The following ADK variants were observed in gnomAD, a reference collection of about 807,000 sequenced individuals.
The protein encoded by ADK is adenosine kinase, also known as N6,N6-dimethyladenosine kinase.
In ADK, 24 loss-of-function variants were observed where a neutral mutation model predicts 44.7. That is an observed-to-expected ratio of 0.54 (90% CI 0.39 to 0.76). The LOEUF (loss-of-function observed/expected upper bound fraction) is 0.76, where lower values mean the gene tolerates loss of function less well. Among genes scored for constraint, ADK ranks in the 30% least tolerant of loss-of-function variants. The pLI is 0.00. For synonymous variants in ADK, 128 were observed against 142.6 expected (o/e 0.90, Z 0.73); for missense variants, 321 against 425.1 (o/e 0.76, Z 2.15).
chr10:74,451,356 G>A (rs1203004599), intron 6 of ADK, among the ~76,000 whole-genome samples: 4 of 152,060 alleles, frequency 2.6e-5, no homozygotes, highest in African/African-American at 4.8e-5. Flanking sequence ...ATGCAAAGCA[G>A]TGTATTTACT....
intron 3 of ADK, among the ~76,000 whole-genome samples, chr10:74,288,806 A>G (rs771957344): frequency 6.6e-6 from 1 of 152,366 alleles, no homozygotes; most frequent in Non-Finnish European, 1.5e-5. Flanking sequence ...TGGAACTTTG[A>G]TAACTGTTTA....
At chr10:74,328,453 C>G (rs1175436680) in intron 4 of ADK, among the ~76,000 whole-genome samples, 1 of 152,052 alleles carries the variant, frequency 6.6e-6, no homozygotes, top group Non-Finnish European at 1.5e-5. Context: ...GTGTTGCAGT[C>G]AAAGCACCAT....
chr10:74,242,736 A>G (rs944807241), intron 3 of ADK, among the ~76,000 whole-genome samples: 3 of 152,160 alleles, frequency 2.0e-5, no homozygotes, highest in Non-Finnish European at 4.4e-5. Context: ...CCTTTTCCAA[A>G]GCTACCTATG....
intron 3 of ADK, among the ~76,000 whole-genome samples, chr10:74,227,527 T>C (rs1021207924): frequency 6.6e-6 from 1 of 151,888 alleles, no homozygotes; most frequent in Non-Finnish European, 1.5e-5. Context: ...CTGGGAAACA[T>C]AGTGAGACCC....
intron 4 of ADK, among the ~76,000 whole-genome samples, chr10:74,353,068 G>A (rs959465505): frequency 2.6e-5 from 4 of 152,144 alleles, no homozygotes; most frequent in East Asian, 3.9e-4. Context: ...TACTGGGTAT[G>A]TACCCAAGGG....
intron 6 of ADK, among the ~76,000 whole-genome samples, chr10:74,521,844 A>T (rs998328677): frequency 2.0e-5 from 3 of 152,236 alleles, no homozygotes; most frequent in African/African-American, 7.2e-5. Context: ...AAAAATAATA[A>T]CTAAGACTAA....
intron 4 of ADK, among the ~76,000 whole-genome samples, chr10:74,340,859 A>G (rs1841559880): frequency 6.6e-6 from 1 of 152,200 alleles, no homozygotes; most frequent in Non-Finnish European, 1.5e-5. Flanking sequence ...CCCATTTGCA[A>G]AGTACATTTA....
At chr10:74,427,049 C>T (rs553310178) in intron 6 of ADK, among the ~76,000 whole-genome samples, 150 of 151,802 alleles carry the variant, frequency 9.9e-4, no homozygotes, top group Middle Eastern at 3.4e-3. Flanking sequence ...ATATCCATAC[C>T]GAAAGGGGAT....
chr10:74,257,036 T>C (rs1591942334), intron 3 of ADK, among the ~76,000 whole-genome samples: 1 of 152,216 alleles, frequency 6.6e-6, no homozygotes, highest in Admixed American at 6.5e-5. Flanking sequence ...AATTGACTTA[T>C]CTTTAATTTG....
Position 74,394,287 on chromosome 10 carries a change from T to C in ADK, c.420T>C (p.Cys140=), listed in dbSNP as rs1843436216. The change falls in exon 5 of 11, where the codon TGT becomes TGC. Residue 140 remains cysteine, a synonymous_variant. Transcript: ENST00000539909. ...YEQNEQPTGT[C]AACITGDNRS... is the part of the protein sequence containing the mutation. ...AGAATGAGCAGCCAACAGGAACTTG[T>C]GCTGCATGCATCACTGGTGACAACA... The C allele has an allele frequency of 1.2e-6, 2 of 1,613,916 alleles. No homozygotes were observed. Among genetic ancestry groups the C allele is most frequent in the South Asian group, 2.2e-5 (2 of 91,088 alleles).
At chr10:74,587,862 A>G (rs1205499985) in intron 7 of ADK, among the ~76,000 whole-genome samples, 1 of 152,084 alleles carries the variant, frequency 6.6e-6, no homozygotes, top group African/African-American at 2.4e-5. Context: ...ATTTGATTAC[A>G]CATATGTATT....
At chr10:74,552,754 TAA>T (rs1850079616) in intron 7 of ADK, among the ~76,000 whole-genome samples, 1 of 152,108 alleles carries the variant, frequency 6.6e-6, no homozygotes, top group Non-Finnish European at 1.5e-5. Context: ...GCATAATTTT[TAA>T]AAATTGGGCA....
At chr10:74,573,420 G>T (rs1224903162) in intron 7 of ADK, among the ~76,000 whole-genome samples, 7 of 152,200 alleles carry the variant, frequency 4.6e-5, no homozygotes, top group Non-Finnish European at 1.0e-4. Flanking sequence ...CCTACTGGGG[G>T]ATGCCTCCCA....
chr10:74,344,589 C>T (rs1841698476), intron 4 of ADK: 2 of 254,490 alleles, frequency 7.9e-6, no homozygotes, highest in South Asian at 6.4e-5. Context: ...GAGCTTCATT[C>T]TGCTGAATAT....
At chr10:74,317,136 A>G (rs1440867637) in intron 4 of ADK, among the ~76,000 whole-genome samples, 1 of 152,172 alleles carries the variant, frequency 6.6e-6, no homozygotes, top group Non-Finnish European at 1.5e-5. Flanking sequence ...TTTTAATGAA[A>G]CCATAGGCAA....
chr10:74,402,615 C>T (rs1843758218), intron 6 of ADK, among the ~76,000 whole-genome samples: 1 of 152,084 alleles, frequency 6.6e-6, no homozygotes, highest in Non-Finnish European at 1.5e-5. Context: ...AGGTCTTATC[C>T]ATGCTGTTTA....
At chr10:74,232,969 C>T (rs1331262580) in intron 3 of ADK, among the ~76,000 whole-genome samples, 3 of 152,082 alleles carry the variant, frequency 2.0e-5, no homozygotes, top group South Asian at 4.1e-4. Flanking sequence ...TATTCATGAA[C>T]GATAGGTGAA....
At chr10:74,284,702 C>T (rs1847092551) in intron 3 of ADK, among the ~76,000 whole-genome samples, 1 of 152,194 alleles carries the variant, frequency 6.6e-6, no homozygotes, top group Admixed American at 6.5e-5. Context: ...ACAGAAACTC[C>T]CTTTAGTAGT....
Position 74,445,583 on chromosome 10 carries a change from A to G in ADK, c.555+47004A>G, listed in dbSNP as rs143548871. ...AAAGAAGCTACTTGGAATGTCTGTA[A>G]TAACAAATGTGTTAGTATATTTACA... On this transcript the variant is annotated intron_variant, in intron 6 of 10. Coordinates refer to ENST00000539909, the MANE Select transcript of ADK (RefSeq NM_006721.4). Among the ~76,000 whole-genome samples, 44 of 152,112 alleles carry G rather than the reference A, an allele frequency of 2.9e-4. 1 individual carries two copies. The highest frequency in any genetic ancestry group is 2.3e-3 in the East Asian group (12 of 5,182).
Sources: gnomAD v4.1 joint callset for allele counts (sites outside exome capture counted in the v4.1 genomes callset) on GRCh38, gnomAD v4.1.1 for gene constraint, MANE v1.5 for transcripts, NCBI Gene and HGNC (gene_info 2026-07-23, HGNC 2026-07-21) for gene names.